The following HMGCLL1 variants were observed in gnomAD, a reference collection of about 807,000 sequenced individuals.
The protein encoded by HMGCLL1 is 3-hydroxy-3-methylglutaryl-CoA lyase like 1, also known as 3-hydroxymethyl-3-methylglutaryl-CoA lyase, cytoplasmic.
HMGCLL1 carries 36 observed loss-of-function variants against 39.1 expected under a neutral mutation model. The ratio of observed to expected loss-of-function variants is 0.92; its 90% CI spans 0.71 to 1.22. The LOEUF is 1.22. Ranked by LOEUF, HMGCLL1 falls within the 50% of genes most tolerant of loss-of-function variation. HMGCLL1 has a pLI of 0.00. For missense variants in HMGCLL1, 451 were observed against 416.5 expected, an observed-to-expected ratio of 1.08 and a Z score of -0.72; for synonymous variants, 149 against 144.0, an observed-to-expected ratio of 1.03 and a Z score of -0.25.
At position 55,483,291 on chromosome 6, in the gene HMGCLL1, G is replaced by A. The variant is rs530886924; in HGVS notation, c.795+12128C>T. On this transcript the variant is annotated intron_variant, in intron 7 of 8. Transcript: ENST00000274901. ...TTATTATATTTTATTTTTTGAGATG[G>A]AGTCACACTCTGTCATCAGGCTGGA... Among the ~76,000 whole-genome samples the A allele has an allele frequency of 6.6e-4, 100 of 152,178 alleles. 4 individuals carry two copies. The South Asian group carries it at 0.021, about 31-fold the overall frequency.
the HMGCLL1 span, among the ~76,000 whole-genome samples, chr6:55,589,353 C>T: frequency 5.9e-5 from 9 of 152,080 alleles, no homozygotes; most frequent in South Asian, 4.1e-4. Flanking sequence ...AATTCAACAA[C>T]GCTTCATGCT....
chr6:55,573,596 A>T (rs922716252), intron 1 of HMGCLL1, among the ~76,000 whole-genome samples: 2 of 152,156 alleles, frequency 1.3e-5, no homozygotes, highest in Non-Finnish European at 2.9e-5. Context: ...TGAAGAAGAA[A>T]TTACTGAAAT....
At chr6:55,657,875 T>C in the HMGCLL1 span, among the ~76,000 whole-genome samples, 3 of 151,406 alleles carry the variant, frequency 2.0e-5, no homozygotes, top group Admixed American at 2.0e-4. Context: ...CATGGACACA[T>C]AGGGGGAACA....
intron 7 of HMGCLL1, among the ~76,000 whole-genome samples, chr6:55,452,630 T>A (rs1764148203): frequency 6.6e-6 from 1 of 152,204 alleles, no homozygotes. Flanking sequence ...TAATGTTACA[T>A]GTTTGGCAAA....
chr6:55,616,721 AAAC>A, the HMGCLL1 span, among the ~76,000 whole-genome samples: 3 of 152,256 alleles, frequency 2.0e-5, no homozygotes, highest in Admixed American at 2.0e-4. Context: ...TATATGAGAA[AAAC>A]AATAATATGA....
At chr6:55,518,636 A>G (rs1767873566) in intron 3 of HMGCLL1, among the ~76,000 whole-genome samples, 1 of 152,130 alleles carries the variant, frequency 6.6e-6, no homozygotes, top group Admixed American at 6.6e-5. Flanking sequence ...AAATCAGCCA[A>G]CATCCTGTAA....
At chr6:55,553,533 A>G (rs1290326746) in intron 1 of HMGCLL1, among the ~76,000 whole-genome samples, 2 of 152,160 alleles carry the variant, frequency 1.3e-5, no homozygotes, top group East Asian at 3.9e-4. Flanking sequence ...CTGATGAGAA[A>G]ACATGAGAAA....
At chr6:55,497,563 G>A (rs1036048332) in intron 6 of HMGCLL1, among the ~76,000 whole-genome samples, 1 of 152,092 alleles carries the variant, frequency 6.6e-6, no homozygotes, top group Non-Finnish European at 1.5e-5. Context: ...AGTGAGGATA[G>A]ATCTTAGTCA....
Position 55,447,829 on chromosome 6 carries a change from G to T in HMGCLL1, c.796-8270C>A, listed in dbSNP as rs571225785. On this transcript the variant is annotated intron_variant, in intron 7 of 8. Coordinates refer to ENST00000274901, the MANE Select transcript of HMGCLL1 (RefSeq NM_001042406.2). ...GCTTCATATGGTTAGTATGAGGCAA[G>T]GTAAGAATGCAAATCCAGGTTTAAC... Among the ~76,000 whole-genome samples the T allele has an allele frequency of 3.9e-5, 6 of 152,202 alleles. No homozygotes were observed. In the South Asian group the frequency reaches 1.2e-3, roughly 32 times the overall value.
At chr6:55,648,984 C>T in the HMGCLL1 span, among the ~76,000 whole-genome samples, 4 of 151,496 alleles carry the variant, frequency 2.6e-5, no homozygotes, top group East Asian at 5.9e-4. Context: ...ACTGGCAAAC[C>T]GAATCCAGCA....
In HMGCLL1 at chr6:55,511,381, T is replaced by C. The variant is rs191181726; in HGVS notation, c.542+2667A>G. ...GTTCTGAGCGTGTGTTAAAAATGTG[T>C]ACACATGCATGTGTTGTGTGTGTGT... On this transcript the variant is annotated intron_variant, in intron 5 of 8. Transcript: ENST00000274901. Among the ~76,000 whole-genome samples the C allele has an allele frequency of 4.2e-4, 64 of 152,200 alleles. No individual in the cohort carries two copies. The East Asian group carries it at 0.012, about 28-fold the overall frequency.
chr6:55,494,450 T>C (rs567652183), intron 7 of HMGCLL1, among the ~76,000 whole-genome samples: 4 of 152,300 alleles, frequency 2.6e-5, no homozygotes, highest in African/African-American at 9.6e-5. Context: ...AAAATTCCCA[T>C]GCCCCAAAGA....
intron 3 of HMGCLL1, 146 bp from the exon 4 acceptor site, chr6:55,516,749 A>T (rs1182851030): frequency 2.0e-6 from 1 of 490,060 alleles, no homozygotes; most frequent in Non-Finnish European, 3.7e-6. Context: ...GTGAATGTAA[A>T]GGAAAGTAGT....
At chr6:55,465,243 G>A (rs533020706) in intron 7 of HMGCLL1, among the ~76,000 whole-genome samples, 46 of 152,030 alleles carry the variant, frequency 3.0e-4, no homozygotes, top group African/African-American at 1.0e-3. Flanking sequence ...ATTTCCAACT[G>A]AAATTTTGTC....
At chr6:55,493,134 C>A (rs1188695867) in intron 7 of HMGCLL1, among the ~76,000 whole-genome samples, 1 of 151,896 alleles carries the variant, frequency 6.6e-6, no homozygotes, top group Non-Finnish European at 1.5e-5. Context: ...CTGGCACCTG[C>A]AGTGCTACTA....
At chr6:55,637,193 G>A in the HMGCLL1 span, among the ~76,000 whole-genome samples, 1 of 152,136 alleles carries the variant, frequency 6.6e-6, no homozygotes, top group African/African-American at 2.4e-5. Context: ...GACTTGACGA[G>A]CTTTTATTTG....
chr6:55,560,931 C>G (rs888825821), intron 1 of HMGCLL1, among the ~76,000 whole-genome samples: 6 of 152,066 alleles, frequency 3.9e-5, no homozygotes, highest in African/African-American at 1.4e-4. Context: ...TCTTTTCAAT[C>G]TCTAGTAAAA....
At chr6:55,519,653 A>C (rs943394966) in intron 3 of HMGCLL1, among the ~76,000 whole-genome samples, 2 of 152,154 alleles carry the variant, frequency 1.3e-5, no homozygotes, top group African/African-American at 4.8e-5. Context: ...AATAAAATGT[A>C]AAACAACACT....
chr6:55,670,131 C>G, the HMGCLL1 span, among the ~76,000 whole-genome samples: 2 of 151,628 alleles, frequency 1.3e-5, no homozygotes, highest in Non-Finnish European at 2.9e-5. Context: ...CCTATAGGAG[C>G]AGAAATATGT....
Sources: gnomAD v4.1 joint callset for allele counts (sites outside exome capture counted in the v4.1 genomes callset) on GRCh38, gnomAD v4.1.1 for gene constraint, MANE v1.5 for transcripts, NCBI Gene and HGNC (gene_info 2026-07-23, HGNC 2026-07-21) for gene names.